Variants in PCDHA6 observed in about 807,000 individuals in gnomAD.
The protein encoded by PCDHA6 is protocadherin alpha 6.
Under a neutral mutation model 60.3 loss-of-function variants are expected in PCDHA6, and 55 were observed. The ratio of observed to expected loss-of-function variants is 0.91; its 90% CI spans 0.73 to 1.14. The LOEUF (loss-of-function observed/expected upper bound fraction) is 1.14, where lower values mean the gene tolerates loss of function less well. PCDHA6 is among the 50% of genes most tolerant of loss of function. The probability of loss-of-function intolerance (pLI) is 0.00; values close to 1 mark genes in which losing one functional copy is unlikely to be tolerated. For synonymous variants in PCDHA6, 652 were observed against 557.9 expected (o/e 1.17, Z -2.38); for missense variants, 1,327 against 1,256.5 (o/e 1.06, Z -0.85).
At chr5:140,878,174 T>C (rs1554170323) in intron 1 of PCDHA6, 2 of 167,818 alleles carry the variant, frequency 1.2e-5, no homozygotes, top group African/African-American at 2.4e-5. Flanking sequence ...TGTTCATAAT[T>C]TCAAGATTAC....
chr5:140,914,771 ACTTAT>A (rs1394572780), intron 1 of PCDHA6, among the ~76,000 whole-genome samples: 1 of 151,760 alleles, frequency 6.6e-6, no homozygotes, highest in Non-Finnish European at 1.5e-5. Context: ...GAGGTTTATG[ACTTAT>A]CTTATGACCC....
intron 1 of PCDHA6, among the ~76,000 whole-genome samples, chr5:140,903,945 C>G (rs191892568): frequency 2.6e-5 from 4 of 152,162 alleles, no homozygotes; most frequent in Non-Finnish European, 5.9e-5. Context: ...CTCTTAAATA[C>G]TGGAAAATTA....
At chr5:140,887,048 A>G (rs997240150) in intron 1 of PCDHA6, among the ~76,000 whole-genome samples, 21 of 152,068 alleles carry the variant, frequency 1.4e-4, no homozygotes, top group Admixed American at 1.4e-3. Context: ...TTTATAGTGC[A>G]TATGTTCTGG....
In PCDHA6 at chr5:140,850,079, G is replaced by A. The variant is rs2150466050; in HGVS notation, c.2394+19594G>A. On this transcript the variant is annotated intron_variant, in intron 1 of 3. Coordinates refer to ENST00000529310, the MANE Select transcript of PCDHA6 (RefSeq NM_018909.4). ...TGCAGCCGTTGGACCACGAGGAGCTGGAGCTGCTACAGTTCCAGGTGAGCG... is the reference window on the plus strand; with the variant it reads ...TGCAGCCGTTGGACCACGAGGAGCTAGAGCTGCTACAGTTCCAGGTGAGCG... The A allele has an allele frequency of 1.6e-3, 2,619 of 1,596,602 alleles. 178 individuals are homozygous for A. In the African/African-American group the frequency reaches 0.028, roughly 17 times the overall value.
At position 140,917,056 on chromosome 5, in the gene PCDHA6, T is replaced by C. The variant is rs539112715; in HGVS notation, c.2395-61893T>C. Among the ~76,000 whole-genome samples the C allele has an allele frequency of 5.9e-5, 9 of 152,280 alleles. No individual in the cohort carries two copies. The East Asian group carries it at 1.7e-3, about 29-fold the overall frequency. On this transcript the variant is annotated intron_variant, in intron 1 of 3. Transcript: ENST00000529310. ...AGTCCAGCACAGTGTTGTTCCCTGCTACGACAGCACCGAGTTTAATGTAAA... is the reference window on the plus strand; with the variant it reads ...AGTCCAGCACAGTGTTGTTCCCTGCCACGACAGCACCGAGTTTAATGTAAA...
rs539246204 is a variant in PCDHA6 at position 140,883,140 on chromosome 5, A to G, written c.2394+52655A>G. On this transcript the variant is annotated intron_variant, in intron 1 of 3. Coordinates refer to ENST00000529310, the MANE Select transcript of PCDHA6 (RefSeq NM_018909.4). The stretch of plus-strand genomic sequence containing the variant: ...AGGCCTGTATGGCCTGCAGTGGTAT[A>G]TGCATTTACCATAAATCCGAACAAT... 9 of 1,614,118 alleles carry G rather than the reference A, an allele frequency of 5.6e-6. No individual in the cohort carries two copies. The South Asian group carries it at 9.9e-5, about 18-fold the overall frequency.
chr5:140,878,333 G>C (rs947043628), intron 1 of PCDHA6, among the ~76,000 whole-genome samples: 4 of 152,000 alleles, frequency 2.6e-5, no homozygotes, highest in Admixed American at 6.5e-5. Flanking sequence ...TATATTCCAG[G>C]TATTATCACA....
Position 140,926,934 on chromosome 5 carries a change from C to T in PCDHA6, c.2395-52015C>T, listed in dbSNP as rs138351230. ...TGGCAGTTTTATGTTTGTGGGTTTC[C>T]TGCGGCGCTGCAGCGGGACAGCTCG... On this transcript the variant is annotated intron_variant, in intron 1 of 3. Coordinates refer to ENST00000529310, the MANE Select transcript of PCDHA6 (RefSeq NM_018909.4). The T allele has an allele frequency of 5.7e-6, 9 of 1,578,848 alleles. No homozygotes were observed. The African/African-American group carries it at 1.2e-4, about 21-fold the overall frequency.
At chr5:140,875,078 G>A (rs1554167473) in intron 1 of PCDHA6, among the ~76,000 whole-genome samples, 1 of 152,164 alleles carries the variant, frequency 6.6e-6, no homozygotes, top group Non-Finnish European at 1.5e-5. Flanking sequence ...AAGCTACAGC[G>A]TAATAAAATT....
intron 1 of PCDHA6, chr5:140,866,780 G>C (rs1327991487): frequency 6.6e-6 from 1 of 152,092 alleles, no homozygotes; most frequent in Admixed American, 6.6e-5. Flanking sequence ...TGTATGTCCT[G>C]ACTGATATAG....
chr5:140,967,034 C>T (rs782810130), intron 1 of PCDHA6: 9 of 1,610,726 alleles, frequency 5.6e-6, no homozygotes, highest in Non-Finnish European at 2.5e-6. Flanking sequence ...TCCGCGCTAC[C>T]TGGAGCTGGA....
intron 1 of PCDHA6, chr5:140,877,080 C>A (rs113692468): frequency 9.9e-6 from 16 of 1,612,944 alleles, no homozygotes; most frequent in Non-Finnish European, 1.4e-5. Flanking sequence ...TCCAGGTGAG[C>A]GCGCGCGACG....
intron 1 of PCDHA6, chr5:140,848,752 T>C (rs2040584005): frequency 1.3e-6 from 2 of 1,593,188 alleles, no homozygotes; most frequent in Non-Finnish European, 1.7e-6. Context: ...ATTTTGTTTG[T>C]GAATTCTCGG....
chr5:140,887,446 C>T (rs554116341), intron 1 of PCDHA6, among the ~76,000 whole-genome samples: 1 of 152,170 alleles, frequency 6.6e-6, no homozygotes, highest in East Asian at 1.9e-4. Flanking sequence ...GCATAGTTGA[C>T]AGTTTTTTAA....
chr5:140,991,191 A>G (rs1316296536), intron 3 of PCDHA6, among the ~76,000 whole-genome samples: 2 of 152,218 alleles, frequency 1.3e-5, no homozygotes, highest in South Asian at 2.1e-4. Flanking sequence ...CTAGCACACA[A>G]TGATGCTCAA....
rs147693617 is a variant in PCDHA6 at position 140,830,361 on chromosome 5, G to T, written c.2270G>T (p.Arg757Met). ...TCGTACTCGCAGCAGAGGCGGCAGA[G>T]GGTGTGCTCCGGGGAGGGCCCACCC... ...SWSYSQQRRQRVCSGEGPPKM... is the reference protein window; with the variant it reads ...SWSYSQQRRQMVCSGEGPPKM... Residue 757 changes from arginine (R) to methionine (M), a missense_variant, in exon 1 of 4, where the codon AGG (arginine) becomes ATG (methionine). Physicochemically the swap from Arg to Met is moderately conservative, Grantham distance 91. Transcript: ENST00000529310. 2.5e-6 allele frequency: 4 copies of T among 1,614,008 alleles called. No homozygotes were observed. The African/African-American group carries it at 5.3e-5, about 22-fold the overall frequency.
intron 1 of PCDHA6, chr5:140,854,000 C>CA (rs112540154): frequency 0.023 from 8,090 of 347,992 alleles, 12 homozygotes; most frequent in Middle Eastern, 0.03. Flanking sequence ...TCATCTCTGC[C>CA]AAAAAAAAAA....
At chr5:140,844,958 C>T (rs1211127750) in intron 1 of PCDHA6, among the ~76,000 whole-genome samples, 1 of 149,184 alleles carries the variant, frequency 6.7e-6, no homozygotes, top group Non-Finnish European at 1.5e-5. Context: ...TGAATTCTTA[C>T]AGTTTGTTAT....
chr5:140,940,425 G>T (rs2153645742), intron 1 of PCDHA6, among the ~76,000 whole-genome samples: 1 of 152,034 alleles, frequency 6.6e-6, no homozygotes, highest in African/African-American at 2.4e-5. Flanking sequence ...AATTATTACT[G>T]ATCAAGTCTG....
Sources: allele counts gnomAD v4.1 joint callset (sites outside exome capture counted in the v4.1 genomes callset), GRCh38; gene constraint gnomAD v4.1.1; transcripts MANE v1.5; gene names NCBI Gene and HGNC (gene_info 2026-07-23, HGNC 2026-07-21).